The following TYW1B variants were observed in gnomAD, a reference collection of about 807,000 sequenced individuals.
The protein encoded by TYW1B is tRNA-yW synthesizing protein 1 homolog B.
In TYW1B, 73 loss-of-function variants were observed where a neutral mutation model predicts 86.9. The ratio of observed to expected loss-of-function variants is 0.84; its 90% CI spans 0.70 to 1.02. TYW1B has a LOEUF of 1.02. Among genes scored for constraint, TYW1B ranks in the 50% least tolerant of loss-of-function variants. The pLI is 0.00. For synonymous variants in TYW1B, 248 were observed against 292.8 expected, an observed-to-expected ratio of 0.85 and a Z score of 1.56; for missense variants, 637 against 827.4, an observed-to-expected ratio of 0.77 and a Z score of 2.82.
At chr7:72,632,424 A>AT (rs1812550315) in intron 11 of TYW1B, among the ~76,000 whole-genome samples, 1 of 77,846 alleles carries the variant, frequency 1.3e-5, no homozygotes, top group Non-Finnish European at 2.3e-5. Flanking sequence ...TATATATATA[A>AT]AATATATATA....
At chr7:72,704,115 T>G (rs1387257065) in intron 10 of TYW1B, among the ~76,000 whole-genome samples, 1 of 151,970 alleles carries the variant, frequency 6.6e-6, no homozygotes, top group Admixed American at 6.6e-5. Flanking sequence ...ATGTTTCTGG[T>G]GGGCTTAACG....
chr7:72,827,974 G>A (rs1444056792), intron 1 of TYW1B, 98 bp downstream of exon 1: 4 of 1,583,450 alleles, frequency 2.5e-6, no homozygotes, highest in Non-Finnish European at 3.4e-6. Context: ...AGTCTCCGAA[G>A]GAAGGGGACC....
At chr7:72,806,210 G>C (rs1788491120) in intron 5 of TYW1B, among the ~76,000 whole-genome samples, 1 of 148,604 alleles carries the variant, frequency 6.7e-6, no homozygotes, top group Non-Finnish European at 1.5e-5. Flanking sequence ...AAGGATTAAA[G>C]AAGACGTTTT....
At chr7:72,725,341 G>A (rs1554458474) in intron 9 of TYW1B, among the ~76,000 whole-genome samples, 4 of 152,214 alleles carry the variant, frequency 2.6e-5, no homozygotes. Flanking sequence ...CAAACTGCCC[G>A]AGACACAGTT....
chr7:72,585,049 C>T (rs1585825936), intron 13 of TYW1B, among the ~76,000 whole-genome samples: 1 of 152,310 alleles, frequency 6.6e-6, no homozygotes, highest in African/African-American at 2.4e-5. Context: ...GAACTAGTTC[C>T]TAACAGTTAC....
At chr7:72,678,980 T>C (rs1813805633) in intron 11 of TYW1B, among the ~76,000 whole-genome samples, 1 of 152,044 alleles carries the variant, frequency 6.6e-6, no homozygotes, top group Non-Finnish European at 1.5e-5. Flanking sequence ...TGCATGGCTG[T>C]AGTCTGAGCT....
Position 72,733,199 on chromosome 7 carries a change from C to CACACA in TYW1B, c.1083-4269_1083-4268insTGTGT, listed in dbSNP as rs60290034. On this transcript the variant is annotated intron_variant, in intron 8 of 13. Coordinates refer to ENST00000620995, the MANE Select transcript of TYW1B (RefSeq NM_001145440.3). ...ACACACACACACACACACACACACA[C>CACACA]CTCTCACACTAATACTTTTCAAACT... is the stretch of plus-strand genomic sequence containing the variant. Among the ~76,000 whole-genome samples, 66 of 139,910 alleles carry CACACA rather than the reference C, an allele frequency of 4.7e-4. 1 individual carries two copies. In the South Asian group the frequency reaches 0.013, roughly 27 times the overall value. 91.8% of individuals were successfully genotyped at this position (139,910 alleles called of 152,430 possible). A position where few individuals can be genotyped will look rare whatever the true frequency, so the allele number is the denominator to read the frequency against.
chr7:72,681,981 G>C (rs1554448543), intron 11 of TYW1B, among the ~76,000 whole-genome samples: 1 of 146,808 alleles, frequency 6.8e-6, no homozygotes, highest in Non-Finnish European at 1.5e-5. Context: ...GGGTTCAGGT[G>C]ATTCTCCTGC....
chr7:72,663,900 A>T (rs1419566480), intron 11 of TYW1B, among the ~76,000 whole-genome samples: 1 of 151,934 alleles, frequency 6.6e-6, no homozygotes, highest in Non-Finnish European at 1.5e-5. Flanking sequence ...AACCATTTAC[A>T]CATATATCAC....
chr7:72,736,446 G>A (rs1787198331), intron 8 of TYW1B, among the ~76,000 whole-genome samples: 1 of 152,144 alleles, frequency 6.6e-6, no homozygotes, highest in African/African-American at 2.4e-5. Flanking sequence ...GTTAGCACAG[G>A]TCTTTGAATA....
rs1554436977 is a variant in TYW1B, at chr7:72,616,783, G to T, written c.1674C>A (p.Pro558=). ...CAAACTGTACCACTTCCTCATGCCA[G>T]GGCACATGGGCCATGGTAAGACTGC... The part of the protein sequence containing the change: ...SASSLTMAHV[P]WHEEVVQFVR... Residue 558 remains proline, a synonymous_variant, in exon 13 of 14, where the codon CCC becomes CCA. Coordinates refer to ENST00000620995, the MANE Select transcript of TYW1B (RefSeq NM_001145440.3). 1.2e-6 allele frequency: 2 copies of T among 1,614,208 alleles called. No homozygotes were observed. Among genetic ancestry groups the T allele is most frequent in the Non-Finnish European group, 1.7e-6 (2 of 1,180,036 alleles).
Position 72,713,540 on chromosome 7 carries a change from G to T in TYW1B, c.1370+81C>A, listed in dbSNP as rs1419752395. 7 of 1,337,992 alleles carry T rather than the reference G, an allele frequency of 5.2e-6. No homozygotes were observed. In the African/African-American group the frequency reaches 5.9e-5, roughly 11 times the overall value. The allele number at this position is 1,337,992 out of a possible 1,614,324, so 82.9% of individuals were successfully genotyped here. A position where few individuals can be genotyped will look rare whatever the true frequency, so the allele number is the denominator to read the frequency against. ...AGTAAGTAATCAATAAATCCTATTT[G>T]ATTGCATTAATGCCTATTAGTTTTA... is the stretch of plus-strand genomic sequence containing the variant. On this transcript the variant is annotated intron_variant, in intron 10 of 13. Transcript: ENST00000620995.
intron 1 of TYW1B, 28 bp downstream of exon 1, chr7:72,828,044 A>C (rs781935739): frequency 1.3e-5 from 21 of 1,613,482 alleles, no homozygotes; most frequent in Non-Finnish European, 1.7e-5. Context: ...CTGCCGCCCC[A>C]GGGTCCTTGC....
At chr7:72,618,936 C>T (rs1554437408) in intron 12 of TYW1B, among the ~76,000 whole-genome samples, 1 of 152,146 alleles carries the variant, frequency 6.6e-6, no homozygotes. Context: ...CCAACATGGC[C>T]AATGGAGTCT....
intron 11 of TYW1B, among the ~76,000 whole-genome samples, chr7:72,678,619 C>CT (rs56738372): frequency 0.025 from 2,796 of 110,212 alleles, 120 homozygotes; most frequent in African/African-American, 0.074. Flanking sequence ...AATTCCAGCA[C>CT]TTTTTTTTTT....
chr7:72,745,479 T>C (rs1359877220), intron 7 of TYW1B, among the ~76,000 whole-genome samples: 1 of 152,104 alleles, frequency 6.6e-6, no homozygotes, highest in Non-Finnish European at 1.5e-5. Context: ...AGTAAGTAGG[T>C]AATCTAAAGA....
chr7:72,796,864 G>T (rs377150686), intron 6 of TYW1B, among the ~76,000 whole-genome samples: 2 of 139,766 alleles, frequency 1.4e-5, no homozygotes, highest in African/African-American at 5.3e-5. Flanking sequence ...TGGTACAATG[G>T]TGCAATCTCG....
intron 11 of TYW1B, among the ~76,000 whole-genome samples, chr7:72,637,111 C>A (rs1812687885): frequency 6.6e-6 from 1 of 151,918 alleles, no homozygotes. Context: ...GCAATAAGAG[C>A]AAAACTCCAT....
chr7:72,661,905 C>T (rs1157621409), intron 11 of TYW1B, among the ~76,000 whole-genome samples: 44 of 151,954 alleles, frequency 2.9e-4, no homozygotes, highest in Non-Finnish European at 5.6e-4. Flanking sequence ...GTGGACTCTG[C>T]TTCTCTACTT....
Sources: allele counts gnomAD v4.1 joint callset (sites outside exome capture counted in the v4.1 genomes callset), GRCh38; gene constraint gnomAD v4.1.1; transcripts MANE v1.5; gene names NCBI Gene and HGNC (gene_info 2026-07-23, HGNC 2026-07-21).